SPATA31D1: variants seen among roughly 807,000 people sequenced by gnomAD.
SPATA31D1 encodes the protein SPATA31 subfamily D member 1.
Under a neutral mutation model 13.2 loss-of-function variants are expected in SPATA31D1, and 6 were observed. That is an observed-to-expected ratio of 0.46 (90% CI 0.25 to 0.90). The LOEUF (loss-of-function observed/expected upper bound fraction) is 0.90. Ranked by LOEUF, SPATA31D1 falls within the 40% of genes least tolerant of loss-of-function variation. SPATA31D1 has a pLI of 0.18. For synonymous variants in SPATA31D1, 903 were observed against 718.8 expected, an observed-to-expected ratio of 1.26 and a Z score of -4.10; for missense variants, 2,445 against 1,884.7, an observed-to-expected ratio of 1.30 and a Z score of -5.50.
chr9:81,990,342 C>A, intron 2 of SPATA31D1, 75 bp from the exon 3 acceptor site: 2 of 1,124,232 alleles, frequency 1.8e-6, no homozygotes, highest in Non-Finnish European at 2.5e-6. Context: ...GTTTAATATC[C>A]CAAGGGTCTT....
chr9:81,990,799 C>G lies in SPATA31D1; in HGVS notation c.329C>G (p.Pro110Arg). 6.2e-7 allele frequency: 1 copy of G among 1,612,646 alleles called. No homozygotes were observed. Among genetic ancestry groups the G allele is most frequent in the Non-Finnish European group, 8.5e-7 (1 of 1,179,304 alleles). ...KSFGPPVSCS[P>R]RGQHHDTNHF... ...TTTGGACCTCCTGTTTCCTGCAGTC[C>G]TCGGGGCCAGCATCATGATACCAAC... Residue 110 changes from proline to arginine, a missense_variant, in exon 4 of 4, where the codon CCT (proline) becomes CGT (arginine). Pro to Arg is a moderately radical substitution (Grantham distance 103). Transcript: ENST00000344803.
At chr9:81,989,924 C>A in intron 2 of SPATA31D1, 101 bp downstream of exon 2, 1 of 1,368,868 alleles carries the variant, frequency 7.3e-7, no homozygotes, top group Non-Finnish European at 1.0e-6. Context: ...TTACTAGATG[C>A]AGTCTTAGAA....
intron 1 of SPATA31D1, 80 bp from the exon 2 acceptor site, chr9:81,989,698 A>G: frequency 7.1e-7 from 1 of 1,404,908 alleles, no homozygotes; most frequent in Admixed American, 1.7e-5. Flanking sequence ...GAATGAATGA[A>G]TGAATGAATG....
At chr9:81,990,666 C>T (rs879455614) in intron 3 of SPATA31D1, 107 bp from the exon 4 acceptor site, 28 of 1,411,804 alleles carry the variant, frequency 2.0e-5, no homozygotes, top group Admixed American at 4.2e-5. Context: ...ACCTCATATA[C>T]GGTGAGGTCC....
Position 81,993,498 on chromosome 9 carries a change from C to T in SPATA31D1, c.3028C>T (p.His1010Tyr), listed in dbSNP as rs1385798431. 3.1e-6 allele frequency: 5 copies of T among 1,612,378 alleles called. No homozygotes were observed. In the Admixed American group the frequency reaches 8.4e-5, roughly 27 times the overall value. ...GAGAAGACAATTTTCTGATACTGAC[C>T]ATGACCTTATAGAGACAGATTCCAA... Reference protein sequence around the residue: ...TLRRQFSDTDHDLIETDSKDG... With the variant: ...TLRRQFSDTDYDLIETDSKDG... The change falls in exon 4 of 4, where the codon CAT becomes TAT. Residue 1010 changes from histidine to tyrosine, a missense_variant. His to Tyr is a moderately conservative substitution (Grantham distance 83, BLOSUM62 2). Transcript: ENST00000344803.
At position 81,993,908 on chromosome 9, in the gene SPATA31D1, C is replaced by G; in HGVS notation, c.3438C>G (p.Thr1146=). Residue 1146 remains threonine (T), a synonymous_variant, in exon 4 of 4, where the codon ACC becomes ACG. Coordinates refer to ENST00000344803, the MANE Select transcript of SPATA31D1 (RefSeq NM_001001670.3). ...ACAGGCTTCAGGGCAGTAGAAAGAC[C>G]TTTCCTGTCACCAATGCTCTTCAAT... ...NVDRLQGSRK[T]FPVTNALQSQ... 1.2e-6 allele frequency: 2 copies of G among 1,613,918 alleles called. No homozygotes were observed. Among genetic ancestry groups the G allele is most frequent in the Non-Finnish European group, 1.7e-6 (2 of 1,179,844 alleles).
Position 81,994,868 on chromosome 9 carries a change from CA to C in SPATA31D1, c.4401del (p.Val1468Ter). 6.2e-7 allele frequency: 1 copy of C among 1,613,974 alleles called. No individual in the cohort carries two copies. The highest frequency in any genetic ancestry group is 1.3e-5 in the African/African-American group (1 of 75,046). ...CCTGCAACTACAGGGCTCCCTCCTG[CA>C]AAGTGACACGTACCAAATCTTGCAG... The part of the protein sequence containing the change: ...CPCNYRAPSC[K>X]VTRTKSCSQQ... On this transcript the variant is annotated frameshift_variant, in exon 4 of 4. Coordinates refer to ENST00000344803, the MANE Select transcript of SPATA31D1 (RefSeq NM_001001670.3). LOFTEE classifies it low-confidence loss of function (END_TRUNC).
chr9:81,991,997 T>G lies in SPATA31D1; in HGVS notation c.1527T>G (p.Ser509=). The stretch of plus-strand genomic sequence containing the variant: ...TCCAGCTCTTCTGGGGTCTCCCATC[T>G]TTGCACAGCGAGTCTCTGCATCCTA... ...KYVQLFWGLP[S]LHSESLHPTV... Residue 509 remains serine, a synonymous_variant, in exon 4 of 4, where the codon TCT becomes TCG. Transcript: ENST00000344803. 6.2e-7 allele frequency: 1 copy of G among 1,613,830 alleles called. No individual in the cohort carries two copies. The highest frequency in any genetic ancestry group is 1.3e-5 in the African/African-American group (1 of 75,060).
rs748427993 is a variant in SPATA31D1, at chr9:81,993,997, C to T, written c.3527C>T (p.Ala1176Val). Residue 1176 changes from alanine (A) to valine (V), a missense_variant, in exon 4 of 4, where the codon GCA (alanine) becomes GTA (valine). Ala to Val is a moderately conservative substitution (Grantham distance 64, BLOSUM62 0). Coordinates refer to ENST00000344803, the MANE Select transcript of SPATA31D1 (RefSeq NM_001001670.3). ...AGCTGCTCACTGACAAATGTGAAAG[C>T]AAGCACTTCCAATGAAACTGAAATT... ...SGSCSLTNVK[A>V]STSNETEIFP... 5 of 1,613,798 alleles carry T rather than the reference C, an allele frequency of 3.1e-6. No individual in the cohort carries two copies. In the Admixed American group the frequency reaches 5.0e-5, roughly 16 times the overall value.
Position 81,991,760 on chromosome 9 carries a change from A to G in SPATA31D1, c.1290A>G (p.Glu430=). 1 of 1,613,828 alleles carries G rather than the reference A, an allele frequency of 6.2e-7. No homozygotes were observed. Among genetic ancestry groups the G allele is most frequent in the Non-Finnish European group, 8.5e-7 (1 of 1,179,736 alleles). The change falls in exon 4 of 4, where the codon GAA becomes GAG. Residue 430 remains glutamate (E), a synonymous_variant. Coordinates refer to ENST00000344803, the MANE Select transcript of SPATA31D1 (RefSeq NM_001001670.3). ...KKRGDFLMWK[E]NGKKPGSFPK... ...GGGGTGATTTCCTGATGTGGAAAGA[A>G]AATGGAAAGAAACCAGGATCATTCC...
upstream of SPATA31D1, among the ~76,000 whole-genome samples, chr9:81,987,667 T>A (rs1824879490): frequency 6.6e-6 from 1 of 152,210 alleles, no homozygotes; most frequent in African/African-American, 2.4e-5. Context: ...ATTATATATA[T>A]TTATTGTACA....
rs374373990 is a variant in SPATA31D1 at position 81,992,937 on chromosome 9, C to G, written c.2467C>G (p.Gln823Glu). 3 of 1,613,604 alleles carry G rather than the reference C, an allele frequency of 1.9e-6. No individual in the cohort carries two copies. The highest frequency in any genetic ancestry group is 1.1e-5 in the South Asian group (1 of 91,068). The stretch of plus-strand genomic sequence containing the variant: ...GAATGACTCAGGGGTGAGACTAGGT[C>G]AGAAACAACTTGAAAATGCCCTGAC... ...SGNDSGVRLG[Q>E]KQLENALTVR... is the part of the protein sequence containing the mutation. The change falls in exon 4 of 4, where the codon CAG becomes GAG. Residue 823 changes from glutamine to glutamate, a missense_variant. By Grantham distance (29) the Gln-to-Glu change is conservative (BLOSUM62 2). Transcript: ENST00000344803.
rs1564175238 is a variant in SPATA31D1 at position 81,993,355 on chromosome 9, AG to A, written c.2886del (p.Lys962AsnfsTer40). On this transcript the variant is annotated frameshift_variant, in exon 4 of 4. Transcript: ENST00000344803. LOFTEE classifies it low-confidence loss of function (END_TRUNC). ...SQGDSKDGVS[K>X]SRSRSTFQGE... ...GGAGATTCCAAAGATGGGGTCTCTA[AG>A]TCCCGTAGTCGAAGCACTTTTCAAG... The A allele has an allele frequency of 6.2e-7, 1 of 1,613,932 alleles. No individual in the cohort carries two copies. Among genetic ancestry groups the A allele is most frequent in the East Asian group, 2.2e-5 (1 of 44,862 alleles).
Position 81,994,674 on chromosome 9 carries a change from G to T in SPATA31D1, c.4204G>T (p.Ala1402Ser). The T allele has an allele frequency of 1.2e-6, 2 of 1,613,604 alleles. No individual in the cohort carries two copies. Among genetic ancestry groups the T allele is most frequent in the East Asian group, 2.2e-5 (1 of 44,862 alleles). Residue 1402 changes from alanine to serine, a missense_variant, in exon 4 of 4, where the codon GCT (alanine) becomes TCT (serine). By Grantham distance (99) the Ala-to-Ser change is moderately conservative. Coordinates refer to ENST00000344803, the MANE Select transcript of SPATA31D1 (RefSeq NM_001001670.3). Reference sequence around the variant, plus strand: ...AGCTGCCTTTACTGGGACTACTGAAGCTCAGAAAATTAGGAAAGACACTAG... The same window carrying T: ...AGCTGCCTTTACTGGGACTACTGAATCTCAGAAAATTAGGAAAGACACTAG... ...IRAAFTGTTE[A>S]QKIRKDTREF...
At position 81,992,946 on chromosome 9, in the gene SPATA31D1, C is replaced by G. The variant is rs552420674; in HGVS notation, c.2476C>G (p.Leu826Val). 5.6e-6 allele frequency: 9 copies of G among 1,613,766 alleles called. No homozygotes were observed. In the Admixed American group the frequency reaches 6.7e-5, roughly 12 times the overall value. The change falls in exon 4 of 4, where the codon CTT becomes GTT. Residue 826 changes from leucine to valine, a missense_variant. By Grantham distance (32) the Leu-to-Val change is conservative. Coordinates refer to ENST00000344803, the MANE Select transcript of SPATA31D1 (RefSeq NM_001001670.3). Reference protein sequence around the residue: ...DSGVRLGQKQLENALTVRLSK... With the variant: ...DSGVRLGQKQVENALTVRLSK... ...AGGGGTGAGACTAGGTCAGAAACAA[C>G]TTGAAAATGCCCTGACAGTACGTTT...
chr9:81,991,908 C>G lies in SPATA31D1; in HGVS notation c.1438C>G (p.Gln480Glu), dbSNP rs1318793628. 2.5e-6 allele frequency: 4 copies of G among 1,613,650 alleles called. No homozygotes were observed. In the Admixed American group the frequency reaches 5.0e-5, roughly 20 times the overall value. The change falls in exon 4 of 4, where the codon CAG becomes GAG. Residue 480 changes from glutamine to glutamate, a missense_variant. Transcript: ENST00000344803. ...FWASKGKLEW[Q>E]HIHQQPPHSK... ...GGCCAGTAAAGGCAAACTAGAATGG[C>G]AGCACATCCATCAGCAGCCTCCACA...
upstream of SPATA31D1, among the ~76,000 whole-genome samples, chr9:81,987,596 CCTCA>C (rs1265854030): frequency 6.6e-6 from 1 of 152,092 alleles, no homozygotes; most frequent in Non-Finnish European, 1.5e-5. Flanking sequence ...ACAGTTTAAA[CCTCA>C]CTAACTTCAG....
rs780177094 is a variant in SPATA31D1, at chr9:81,994,857, G to A, written c.4387G>A (p.Ala1463Thr). The A allele has an allele frequency of 8.7e-6, 14 of 1,613,822 alleles. No homozygotes were observed. The highest frequency in any genetic ancestry group is 1.0e-5 in the Non-Finnish European group (12 of 1,179,900). The change falls in exon 4 of 4, where the codon GCT becomes ACT. Residue 1463 changes from alanine to threonine, a missense_variant. Transcript: ENST00000344803. ...PVQGCPCNYR[A>T]PSCKVTRTKS... ...CCAGGGCTGTCCCTGCAACTACAGG[G>A]CTCCCTCCTGCAAAGTGACACGTAC...
At chr9:81,988,746 C>A, upstream of SPATA31D1, 1 of 1,606,980 alleles carries the variant, frequency 6.2e-7, no homozygotes, top group Non-Finnish European at 8.5e-7. Context: ...CTCTGTGATG[C>A]AGGCCTGTGC....
Sources: allele counts gnomAD v4.1 joint callset (sites outside exome capture counted in the v4.1 genomes callset), GRCh38; gene constraint gnomAD v4.1.1; transcripts MANE v1.5; gene names NCBI Gene and HGNC (gene_info 2026-07-23, HGNC 2026-07-21).